Variants in GYS2 observed in about 807,000 individuals in gnomAD.
GYS2 encodes glycogen synthase 2.
Under a neutral mutation model 85.6 loss-of-function variants are expected in GYS2, and 80 were observed. The observed-to-expected ratio is 0.93, with a 90% confidence interval of 0.78 to 1.13. GYS2 has a LOEUF of 1.13. Among genes scored for constraint, GYS2 ranks in the 50% most tolerant of loss-of-function variants. GYS2 has a pLI of 0.00. For synonymous variants in GYS2, 328 were observed against 300.7 expected (o/e 1.09, Z -0.94); for missense variants, 881 against 854.9 (o/e 1.03, Z -0.38).
At chr12:21,593,614 A>T (rs1357963289) in intron 1 of GYS2, among the ~76,000 whole-genome samples, 2 of 152,024 alleles carry the variant, frequency 1.3e-5, no homozygotes, top group Non-Finnish European at 2.9e-5. Context: ...ATGAAATTGA[A>T]TCAGTAGTAA....
intron 11 of GYS2, among the ~76,000 whole-genome samples, chr12:21,548,479 T>C (rs987621917): frequency 3.9e-5 from 6 of 152,146 alleles, no homozygotes; most frequent in African/African-American, 1.4e-4. Context: ...AAGTAAATAA[T>C]TAGGATGTGA....
intron 2 of GYS2, among the ~76,000 whole-genome samples, chr12:21,577,389 A>T (rs1305873156): frequency 6.6e-6 from 1 of 152,224 alleles, no homozygotes; most frequent in Non-Finnish European, 1.5e-5. Context: ...ATGTAAGCCA[A>T]TTGGCATTGA....
At position 21,537,078 on chromosome 12, in the gene GYS2, A is replaced by G. The variant is rs1240134073; in HGVS notation, c.1988T>C (p.Val663Ala). 6.2e-7 allele frequency: 1 copy of G among 1,613,646 alleles called. No individual in the cohort carries two copies. The highest frequency in any genetic ancestry group is 8.5e-7 in the Non-Finnish European group (1 of 1,179,720). ...SPQSSDVEDE[V>A]EDERYDEEEE... is the part of the protein sequence containing the mutation. The stretch of plus-strand genomic sequence containing the variant: ...TTCCTCATCGTATCTCTCATCCTCC[A>G]CTTCATCTTCCACATCACTGCTCTG... Residue 663 changes from valine (V) to alanine (A), a missense_variant, in exon 16 of 16, where the codon GTG becomes GCG. Val to Ala is a moderately conservative substitution (Grantham distance 64). Coordinates refer to ENST00000261195, the MANE Select transcript of GYS2 (RefSeq NM_021957.4).
At chr12:21,570,086 T>A (rs972236979) in intron 4 of GYS2, among the ~76,000 whole-genome samples, 1 of 152,058 alleles carries the variant, frequency 6.6e-6, no homozygotes, top group African/African-American at 2.4e-5. Context: ...TAGAGAAAAA[T>A]ACTAAAAAGA....
intron 7 of GYS2, 38 bp downstream of exon 7, chr12:21,562,880 C>G: frequency 6.2e-7 from 1 of 1,610,258 alleles, no homozygotes; most frequent in Non-Finnish European, 8.5e-7. Context: ...AAAGTTCTCC[C>G]TACAAGAGTG....
chr12:21,577,201 G>A (rs1490185685), intron 2 of GYS2, among the ~76,000 whole-genome samples: 1 of 152,064 alleles, frequency 6.6e-6, no homozygotes. Flanking sequence ...AAATTTTCCT[G>A]AGCCCCAAAC....
Position 21,558,250 on chromosome 12 carries a change from T to C in GYS2, c.1372A>G (p.Ser458Gly), listed in dbSNP as rs757473343. Residue 458 changes from serine to glycine, a missense_variant, in exon 11 of 16, where the codon AGC (serine) becomes GGC (glycine). Coordinates refer to ENST00000261195, the MANE Select transcript of GYS2 (RefSeq NM_021957.4). ...MIDDSTDPIL[S>G]TIRRIGLFNN... The stretch of plus-strand genomic sequence containing the variant: ...AAAAGTCCAATCCGTCTAATGGTGC[T>C]GAGGATGGGGTCGGTGGAGTCATCA... The C allele has an allele frequency of 6.2e-7, 1 of 1,613,984 alleles. No homozygotes were observed. The highest frequency in any genetic ancestry group is 1.1e-5 in the South Asian group (1 of 91,076).
chr12:21,568,445 G>A (rs140976501), intron 5 of GYS2, among the ~76,000 whole-genome samples: 1 of 152,262 alleles, frequency 6.6e-6, no homozygotes, highest in East Asian at 1.9e-4. Context: ...CTGGGGATAA[G>A]TAATATAAAA....
chr12:21,559,111 T>C lies in GYS2; in HGVS notation c.1288A>G (p.Arg430Gly), dbSNP rs753302434. Residue 430 changes from arginine to glycine, a missense_variant, in exon 10 of 16, where the codon AGA becomes GGA. Coordinates refer to ENST00000261195, the MANE Select transcript of GYS2 (RefSeq NM_021957.4). ...ATTACCTGAGTTGAAAAGATGGCTC[T>C]TTTCATAATTGTTAGATCATCTCGA... ...LDRDDLTIMK[R>G]AIFSTQRQSL... 2 of 1,606,066 alleles carry C rather than the reference T, an allele frequency of 1.2e-6. No homozygotes were observed. Among genetic ancestry groups the C allele is most frequent in the Non-Finnish European group, 8.5e-7 (1 of 1,173,296 alleles).
At position 21,536,989 on chromosome 12, in the gene GYS2, C is replaced by T. The variant is rs750056656; in HGVS notation, c.2077G>A (p.Gly693Arg). ...TATTCACCATGCAGCTTTTTCTTCC[C>T]ATGAGGAACGTGGCTCAGTGAAAAT... The part of the protein sequence containing the change: ...SPFSLSHVPH[G>R]KKKLHGEYKN The change falls in exon 16 of 16, where the codon GGG (glycine) becomes AGG (arginine). Residue 693 changes from glycine to arginine, a missense_variant. Physicochemically the swap from Gly to Arg is moderately radical, Grantham distance 125. Coordinates refer to ENST00000261195, the MANE Select transcript of GYS2 (RefSeq NM_021957.4). 1.2e-6 allele frequency: 2 copies of T among 1,613,846 alleles called. No individual in the cohort carries two copies. The highest frequency in any genetic ancestry group is 1.7e-6 in the Non-Finnish European group (2 of 1,179,822).
chr12:21,546,029 G>A (rs1353729616), intron 12 of GYS2, among the ~76,000 whole-genome samples: 6 of 151,656 alleles, frequency 4.0e-5, no homozygotes, highest in Non-Finnish European at 8.8e-5. Context: ...AAATGGGGCA[G>A]ATAGAGATAG....
At chr12:21,576,158 G>T in intron 2 of GYS2, 101 bp from the exon 3 acceptor site, 4 of 907,686 alleles carry the variant, frequency 4.4e-6, no homozygotes, top group South Asian at 4.0e-5. Context: ...GTACTCAATA[G>T]CAAATTAAAC....
intron 11 of GYS2, among the ~76,000 whole-genome samples, chr12:21,556,763 C>G (rs1944184860): frequency 6.6e-6 from 1 of 152,214 alleles, no homozygotes; most frequent in Non-Finnish European, 1.5e-5. Flanking sequence ...TGAATTTTCC[C>G]TCTTTCTTAC....
intron 13 of GYS2, among the ~76,000 whole-genome samples, chr12:21,541,629 G>A (rs1411483320): frequency 6.6e-6 from 1 of 152,108 alleles, no homozygotes; most frequent in African/African-American, 2.4e-5. Flanking sequence ...TTTGCAGTTT[G>A]TCTCATGGGC....
At chr12:21,583,614 C>T (rs752129540) in intron 1 of GYS2, among the ~76,000 whole-genome samples, 13 of 152,300 alleles carry the variant, frequency 8.5e-5, no homozygotes, top group Admixed American at 2.0e-4. Flanking sequence ...TGAATCACAG[C>T]GGAGGCCTCT....
intron 4 of GYS2, 50 bp from the exon 5 acceptor site, chr12:21,569,059 C>T (rs1173551260): frequency 1.3e-6 from 2 of 1,591,174 alleles, no homozygotes; most frequent in African/African-American, 1.3e-5. Context: ...GGCCCTTCTA[C>T]ACAAGCTAAA....
intron 1 of GYS2, among the ~76,000 whole-genome samples, chr12:21,603,716 C>T (rs1157922974): frequency 1.3e-5 from 2 of 152,014 alleles, no homozygotes; most frequent in East Asian, 3.9e-4. Flanking sequence ...TGCTAATGTT[C>T]CTTCAATAGT....
intron 1 of GYS2, among the ~76,000 whole-genome samples, chr12:21,596,521 C>T (rs1366853601): frequency 6.6e-6 from 1 of 152,018 alleles, no homozygotes; most frequent in African/African-American, 2.4e-5. Flanking sequence ...TCAATAGATG[C>T]AGAAAAAGCA....
At chr12:21,581,112 C>T (rs1464982689) in intron 1 of GYS2, among the ~76,000 whole-genome samples, 1 of 152,162 alleles carries the variant, frequency 6.6e-6, no homozygotes, top group Non-Finnish European at 1.5e-5. Flanking sequence ...ATGCTTGGTC[C>T]AACCCCGATG....
Sources: gnomAD v4.1 joint callset for allele counts (sites outside exome capture counted in the v4.1 genomes callset) on GRCh38, gnomAD v4.1.1 for gene constraint, MANE v1.5 for transcripts, NCBI Gene and HGNC (gene_info 2026-07-23, HGNC 2026-07-21) for gene names.